Variants in TRIM67 observed in about 807,000 individuals in gnomAD.
The protein encoded by TRIM67 is tripartite motif-containing protein 67.
Under a neutral mutation model 71.0 loss-of-function variants are expected in TRIM67, and 39 were observed. The ratio of observed to expected loss-of-function variants is 0.55; its 90% CI spans 0.43 to 0.72. TRIM67 has a LOEUF of 0.72. Among genes scored for constraint, TRIM67 ranks in the 30% least tolerant of loss-of-function variants. The pLI is 0.00. For synonymous variants in TRIM67, 481 were observed against 473.9 expected, an observed-to-expected ratio of 1.01 and a Z score of -0.19; for missense variants, 973 against 1,079.2, an observed-to-expected ratio of 0.90 and a Z score of 1.38.
Position 231,220,108 on chromosome 1 carries a change from G to T in TRIM67, c.*4668G>T. On this transcript the variant is annotated 3_prime_UTR_variant, in exon 10 of 10. Transcript: ENST00000366653. ...AATAACATTTTTAAAGAAAAAAAGTGCAGTCTTTCATCTCTGGCATCTAAG... is the reference window on the plus strand; with the variant it reads ...AATAACATTTTTAAAGAAAAAAAGTTCAGTCTTTCATCTCTGGCATCTAAG... 1 of 545,968 alleles carries T rather than the reference G, an allele frequency of 1.8e-6. No individual in the cohort carries two copies. The highest frequency in any genetic ancestry group is 3.0e-6 in the Non-Finnish European group (1 of 338,252). The allele number at this position is 545,968 out of a possible 1,614,324, so 33.8% of individuals were successfully genotyped here.
At chr1:231,204,063 C>G (rs775437684) in intron 6 of TRIM67, 51 bp downstream of exon 6, 35 of 1,604,644 alleles carry the variant, frequency 2.2e-5, no homozygotes, top group Non-Finnish European at 3.0e-5. Context: ...AATGCAGAGG[C>G]AGGAGTGGCT....
chr1:231,217,925 C>A lies in TRIM67; in HGVS notation c.*2485C>A. 10 of 1,282,896 alleles carry A rather than the reference C, an allele frequency of 7.8e-6. No individual in the cohort carries two copies. Among genetic ancestry groups the A allele is most frequent in the Non-Finnish European group, 1.0e-5 (10 of 985,760 alleles). The allele number at this position is 1,282,896 out of a possible 1,614,324, so 79.5% of individuals were successfully genotyped here. A position where few individuals can be genotyped will look rare whatever the true frequency, so the allele number is the denominator to read the frequency against. On this transcript the variant is annotated 3_prime_UTR_variant, in exon 10 of 10. Coordinates refer to ENST00000366653, the MANE Select transcript of TRIM67 (RefSeq NM_001004342.5). ...CAGAGAGGTGCAGCCAGGACTCCCTCCTCCCCACTGCCACCCTGAGCTTGG... is the reference window on the plus strand; with the variant it reads ...CAGAGAGGTGCAGCCAGGACTCCCTACTCCCCACTGCCACCCTGAGCTTGG...
intron 1 of TRIM67, among the ~76,000 whole-genome samples, chr1:231,168,656 G>T (rs1682542616): frequency 6.6e-6 from 1 of 152,116 alleles, no homozygotes; most frequent in African/African-American, 2.4e-5. Context: ...TTACATTATT[G>T]TTATAACTAT....
At chr1:231,188,643 A>G (rs974163592) in intron 1 of TRIM67, among the ~76,000 whole-genome samples, 3 of 152,158 alleles carry the variant, frequency 2.0e-5, no homozygotes, top group Non-Finnish European at 4.4e-5. Context: ...TGGCCACACT[A>G]CTTACTAGCT....
intron 5 of TRIM67, among the ~76,000 whole-genome samples, chr1:231,202,785 C>T (rs1334974621): frequency 3.9e-5 from 6 of 152,174 alleles, no homozygotes; most frequent in East Asian, 1.9e-4. Flanking sequence ...GTAAATGACA[C>T]GCAGTGCTGA....
At chr1:231,187,897 G>A (rs907734785) in intron 1 of TRIM67, among the ~76,000 whole-genome samples, 1 of 152,204 alleles carries the variant, frequency 6.6e-6, no homozygotes, top group Admixed American at 6.5e-5. Flanking sequence ...ATGAAAGCTT[G>A]GCTGATGGGA....
Position 231,163,787 on chromosome 1 carries a change from G to A in TRIM67, c.818G>A (p.Gly273Asp), listed in dbSNP as rs534389734. ...AASGPTGTAQ[G>D]APSGGGGCKS... ...TCCGGGCCCACTGGCACCGCCCAGG[G>A]CGCCCCCAGCGGAGGCGGCGGCTGC... Residue 273 changes from glycine to aspartate, a missense_variant, in exon 1 of 10, where the codon GGC becomes GAC. Gly to Asp is a moderately conservative substitution (Grantham distance 94, BLOSUM62 -1). This residue lies in a region of TRIM67 where 795 missense variants were observed against 831.3 expected (regional missense o/e 0.96). Transcript: ENST00000366653. The A allele has an allele frequency of 1.8e-3, 2,688 of 1,489,920 alleles. 8 individuals carry two copies. The highest frequency in any genetic ancestry group is 8.9e-3 in the Middle Eastern group (48 of 5,374). 92.3% of individuals were successfully genotyped at this position (1,489,920 alleles called of 1,614,324 possible).
At chr1:231,215,314 G>T in intron 9 of TRIM67, 61 bp from the exon 10 acceptor site, 1 of 1,575,936 alleles carries the variant, frequency 6.3e-7, no homozygotes. Context: ...GGTGCTGTCA[G>T]AGCCCTCAGG....
chr1:231,197,230 T>C (rs1683388784), intron 1 of TRIM67, 141 bp from the exon 2 acceptor site: 1 of 635,412 alleles, frequency 1.6e-6, no homozygotes, highest in East Asian at 2.8e-5. Context: ...GGGTCAGTGG[T>C]GGTCCCTTCA....
Position 231,193,431 on chromosome 1 carries a change from G to A in TRIM67, c.1045-3940G>A, listed in dbSNP as rs573826339. On this transcript the variant is annotated intron_variant, in intron 1 of 9. Transcript: ENST00000366653. ...CTTTGGGAGGTAATTAGGTTTAGAT[G>A]TGCTCACAGCCCCCTCTGATAGAAT... 7.3e-5 allele frequency among the ~76,000 whole-genome samples: 11 copies of A among 150,260 alleles called. No homozygotes were observed. In the South Asian group the frequency reaches 2.3e-3, roughly 32 times the overall value.
At chr1:231,199,852 G>A (rs1343184725) in intron 3 of TRIM67, among the ~76,000 whole-genome samples, 1 of 152,252 alleles carries the variant, frequency 6.6e-6, no homozygotes, top group African/African-American at 2.4e-5. Flanking sequence ...GAAGCTGGTG[G>A]CTGATTGTAT....
At chr1:231,204,708 C>A (rs1332686270) in intron 6 of TRIM67, among the ~76,000 whole-genome samples, 1 of 152,158 alleles carries the variant, frequency 6.6e-6, no homozygotes, top group East Asian at 1.9e-4. Context: ...TGGTTCCTAG[C>A]CCAGAGAAGA....
chr1:231,186,959 C>T (rs779089795), intron 1 of TRIM67, among the ~76,000 whole-genome samples: 5 of 152,124 alleles, frequency 3.3e-5, no homozygotes, highest in African/African-American at 4.8e-5. Context: ...CTGCTTTACC[C>T]GCACATCCCA....
At chr1:231,169,915 T>A (rs1288033546) in intron 1 of TRIM67, among the ~76,000 whole-genome samples, 5 of 152,164 alleles carry the variant, frequency 3.3e-5, no homozygotes, top group Non-Finnish European at 5.9e-5. Context: ...CCCTACCCTA[T>A]GCTTAGATTT....
intron 9 of TRIM67, among the ~76,000 whole-genome samples, 188 bp downstream of exon 9, chr1:231,214,165 C>T (rs1683948727): frequency 6.6e-6 from 1 of 152,216 alleles, no homozygotes; most frequent in Non-Finnish European, 1.5e-5. Flanking sequence ...TCACTTGGGA[C>T]ACCCAGGGGC....
chr1:231,216,392 T>C lies in TRIM67; in HGVS notation c.*952T>C. 1.0e-6 allele frequency: 1 copy of C among 985,512 alleles called. No homozygotes were observed. Among genetic ancestry groups the C allele is most frequent in the Non-Finnish European group, 1.2e-6 (1 of 829,958 alleles). The allele number at this position is 985,512 out of a possible 1,614,324, so 61.0% of individuals were successfully genotyped here. On this transcript the variant is annotated 3_prime_UTR_variant, in exon 10 of 10. Coordinates refer to ENST00000366653, the MANE Select transcript of TRIM67 (RefSeq NM_001004342.5). ...CACAAGAATTTTAACAACTATGTCA[T>C]AGGTCTTCGCCTGGTGATGGCTCCT...
intron 1 of TRIM67, among the ~76,000 whole-genome samples, chr1:231,182,505 TG>T (rs1342878313): frequency 6.6e-6 from 1 of 151,834 alleles, no homozygotes; most frequent in Non-Finnish European, 1.5e-5. Context: ...CAACAGGACT[TG>T]AAGGGGGAGG....
chr1:231,214,018 C>A, intron 9 of TRIM67, 41 bp downstream of exon 9: 2 of 1,560,546 alleles, frequency 1.3e-6, no homozygotes, highest in East Asian at 2.3e-5. Context: ...TGGCTGCTCC[C>A]AACTGTTTGC....
rs185070039 is a variant in TRIM67, at chr1:231,163,127, G to A, written c.158G>A (p.Arg53Gln). 3.2e-6 allele frequency: 5 copies of A among 1,551,458 alleles called. No individual in the cohort carries two copies. The highest frequency in any genetic ancestry group is 2.4e-5 in the South Asian group (2 of 84,548). The change falls in exon 1 of 10, where the codon CGG becomes CAG. Residue 53 changes from arginine to glutamine, a missense_variant. By Grantham distance (43) the Arg-to-Gln change is conservative. Around this residue, in one of 2 missense-constraint regions of TRIM67, gnomAD observed 795 missense variants for 831.3 expected, o/e 0.96. Coordinates refer to ENST00000366653, the MANE Select transcript of TRIM67 (RefSeq NM_001004342.5). ...CTGCCCCAGCCGCTCCTGCTTTCCCGGGGATCGGGGCTGCAGGCGGGCGCC... is the reference window on the plus strand; with the variant it reads ...CTGCCCCAGCCGCTCCTGCTTTCCCAGGGATCGGGGCTGCAGGCGGGCGCC... ...QHLPQPLLLS[R>Q]GSGLQAGAAA... is the part of the protein sequence containing the mutation.
Sources: allele counts gnomAD v4.1 joint callset (sites outside exome capture counted in the v4.1 genomes callset), GRCh38; gene constraint gnomAD v4.1.1; regional missense constraint gnomAD v4.1.1; transcripts MANE v1.5; gene names NCBI Gene and HGNC (gene_info 2026-07-23, HGNC 2026-07-21).